ZMIZ1: variants seen among roughly 807,000 people sequenced by gnomAD.
The protein encoded by ZMIZ1 is zinc finger MIZ-type containing 1, also known as zinc finger MIZ domain-containing protein 1.
Under a neutral mutation model 113.9 loss-of-function variants are expected in ZMIZ1, and 17 were observed. The observed-to-expected ratio is 0.15, with a 90% CI of 0.10 to 0.22. ZMIZ1 has a LOEUF of 0.22. Among genes scored for constraint, ZMIZ1 ranks in the 10% least tolerant of loss-of-function variants. The probability of loss-of-function intolerance (pLI) is 1.00; values close to 1 mark genes in which losing one functional copy is unlikely to be tolerated. For missense variants in ZMIZ1, 1,059 were observed against 1,477.8 expected (o/e 0.72, Z 4.65); for synonymous variants, 607 against 603.1 (o/e 1.01, Z -0.09).
chr10:79,197,030 C>A (rs1270231633), intron 4 of ZMIZ1, among the ~76,000 whole-genome samples: 1 of 152,248 alleles, frequency 6.6e-6, no homozygotes. Context: ...TTAGGTTTGT[C>A]AACAGCGCCC....
chr10:79,199,676 C>G (rs1239561466), intron 4 of ZMIZ1, among the ~76,000 whole-genome samples: 2 of 151,256 alleles, frequency 1.3e-5, no homozygotes, highest in East Asian at 1.9e-4. Flanking sequence ...AGATGAGACT[C>G]TCCAGAAGGG....
Position 79,297,523 on chromosome 10 carries a change from GCTC to G in ZMIZ1, c.1414-87_1414-85del, listed in dbSNP as rs1289416661. ...GGATGGGCCCCTGTAGCATCCCCGT[GCTC>G]CTGGTAGATTTTACTGTCCAGAGGG... On this transcript the variant is annotated intron_variant, in intron 13 of 24. Transcript: ENST00000334512. 3.6e-6 allele frequency: 4 copies of G among 1,111,678 alleles called. No individual in the cohort carries two copies. The African/African-American group carries it at 4.6e-5, about 13-fold the overall frequency. The allele number at this position is 1,111,678 out of a possible 1,614,324, so 68.9% of individuals were successfully genotyped here.
chr10:79,198,772 G>A (rs12357175), intron 4 of ZMIZ1, among the ~76,000 whole-genome samples: 4,658 of 152,330 alleles, frequency 0.031, 138 homozygotes, highest in South Asian at 0.15. Flanking sequence ...AGTCGCTCAC[G>A]CCTGTAATCC....
At chr10:79,218,584 G>GGTGTGTGTGTGTGTGT (rs55736085) in intron 7 of ZMIZ1, among the ~76,000 whole-genome samples, 2,114 of 147,708 alleles carry the variant, frequency 0.014, 39 homozygotes, top group African/African-American at 0.044. Context: ...TAATTAGAGG[G>GGTGTGTGTGTGTGTGT]GTGTGTGTGT....
chr10:79,138,148 G>A (rs563691959), intron 2 of ZMIZ1, among the ~76,000 whole-genome samples: 1 of 152,326 alleles, frequency 6.6e-6, no homozygotes, highest in Admixed American at 6.5e-5. Context: ...GCAGCAGTGA[G>A]GCCCCAGTGC....
Position 79,181,997 on chromosome 10 carries a change from C to T in ZMIZ1, c.-49-19587C>T, listed in dbSNP as rs535734395. 3.2e-4 allele frequency among the ~76,000 whole-genome samples: 49 copies of T among 152,340 alleles called. No individual in the cohort carries two copies. The East Asian group carries it at 9.3e-3, about 29-fold the overall frequency. On this transcript the variant is annotated intron_variant, in intron 4 of 24. Transcript: ENST00000334512. ...ACTGGAGGAGGAGGAGGAGCCAGGA[C>T]TCACCCAGTGCCAAGCTGGAGAGAG...
chr10:79,141,146 G>A (rs1194210033), intron 3 of ZMIZ1, among the ~76,000 whole-genome samples: 2 of 152,170 alleles, frequency 1.3e-5, no homozygotes, highest in Non-Finnish European at 2.9e-5. Flanking sequence ...ACGAGGGAGA[G>A]GGGACGTGGC....
intron 1 of ZMIZ1, among the ~76,000 whole-genome samples, chr10:79,078,962 G>A (rs1376359752): frequency 6.6e-6 from 1 of 152,208 alleles, no homozygotes; most frequent in Non-Finnish European, 1.5e-5. Flanking sequence ...CCAGCGGATG[G>A]TTTACCTACT....
In ZMIZ1 at chr10:79,118,597, C is replaced by T. The variant is rs1168043453; in HGVS notation, c.-336-318C>T. On this transcript the variant is annotated intron_variant, in intron 1 of 24. Transcript: ENST00000334512. This position sits in a 1 kb window ranked among gnomAD's most constrained non-coding sequence, Gnocchi z 4.1. ...CGGGGCACCCAGCGTGTGCCAAGGCCGGAGCCAGGGGCTCTGGGAGGCCGG... is the reference window on the plus strand; with the variant it reads ...CGGGGCACCCAGCGTGTGCCAAGGCTGGAGCCAGGGGCTCTGGGAGGCCGG... Among the ~76,000 whole-genome samples the T allele has an allele frequency of 2.6e-5, 4 of 152,174 alleles. No homozygotes were observed. The highest frequency in any genetic ancestry group is 5.9e-5 in the Non-Finnish European group (4 of 68,018).
rs1589405277 is a variant in ZMIZ1 at position 79,194,197 on chromosome 10, G to A, written c.-49-7387G>A. On this transcript the variant is annotated intron_variant, in intron 4 of 24. Coordinates refer to ENST00000334512, the MANE Select transcript of ZMIZ1 (RefSeq NM_020338.4). ...CACCACTGCTCACACAGCTCCCCGG[G>A]GACCCCCACTTGCCTGTGCAAGCTG... Among the ~76,000 whole-genome samples, 3 of 152,242 alleles carry A rather than the reference G, an allele frequency of 2.0e-5. No individual in the cohort carries two copies. The East Asian group carries it at 5.8e-4, about 29-fold the overall frequency.
intron 8 of ZMIZ1, among the ~76,000 whole-genome samples, chr10:79,280,608 T>C (rs1375885470): frequency 6.6e-6 from 1 of 151,530 alleles, no homozygotes; most frequent in African/African-American, 2.4e-5. Flanking sequence ...TGCAGGACTT[T>C]GCAGGGCATT....
intron 1 of ZMIZ1, among the ~76,000 whole-genome samples, chr10:79,076,400 G>A (rs890521893): frequency 6.6e-6 from 1 of 152,168 alleles, no homozygotes; most frequent in Admixed American, 6.5e-5. Flanking sequence ...GGGTGAGGAC[G>A]AAGGATGGGG....
At chr10:79,093,246 C>G (rs1186547266) in intron 1 of ZMIZ1, among the ~76,000 whole-genome samples, 1 of 150,866 alleles carries the variant, frequency 6.6e-6, no homozygotes, top group Non-Finnish European at 1.5e-5. Context: ...ATTTACTGTT[C>G]TGAAGAACCC....
In ZMIZ1 at chr10:79,122,151, G is replaced by A. The variant is rs1009859151; in HGVS notation, c.-227+3127G>A. On this transcript the variant is annotated intron_variant, in intron 2 of 24. Coordinates refer to ENST00000334512, the MANE Select transcript of ZMIZ1 (RefSeq NM_020338.4). Reference sequence around the variant, plus strand: ...ATTTAGCGCCAAGAACTGAGTTCACGTGCAGGCGCCACCAGTTACTTACCA... The same window carrying A: ...ATTTAGCGCCAAGAACTGAGTTCACATGCAGGCGCCACCAGTTACTTACCA... Among the ~76,000 whole-genome samples the A allele has an allele frequency of 3.3e-5, 5 of 152,076 alleles. No homozygotes were observed. The South Asian group carries it at 6.2e-4, about 19-fold the overall frequency.
At chr10:79,193,921 G>A (rs915802189) in intron 4 of ZMIZ1, among the ~76,000 whole-genome samples, 1 of 152,208 alleles carries the variant, frequency 6.6e-6, no homozygotes, top group Non-Finnish European at 1.5e-5. Context: ...CCCAACTGAT[G>A]CTGACATGTG....
chr10:79,169,311 T>C (rs958429141), intron 4 of ZMIZ1, among the ~76,000 whole-genome samples: 3 of 152,234 alleles, frequency 2.0e-5, no homozygotes, highest in Admixed American at 6.5e-5. Context: ...TCGTTGCCTC[T>C]GCCCCCAGCA....
chr10:79,224,927 G>T (rs1033387453), intron 7 of ZMIZ1, among the ~76,000 whole-genome samples: 5 of 152,220 alleles, frequency 3.3e-5, no homozygotes, highest in Non-Finnish European at 7.3e-5. Flanking sequence ...CACGTAACCT[G>T]CTGTGGACAC....
chr10:79,116,553 G>A (rs1387919188), intron 1 of ZMIZ1, among the ~76,000 whole-genome samples: 1 of 152,170 alleles, frequency 6.6e-6, no homozygotes, highest in African/African-American at 2.4e-5. Flanking sequence ...CAGCCTGTGG[G>A]GGTGCACAGA....
At chr10:79,139,571 G>A (rs1055216799) in intron 2 of ZMIZ1, 111 bp from the exon 3 acceptor site, 2 of 397,222 alleles carry the variant, frequency 5.0e-6, no homozygotes, top group African/African-American at 4.1e-5. Flanking sequence ...GTGCTTAAGT[G>A]ACCCAAGAGG....
Sources: gnomAD v4.1 joint callset for allele counts (sites outside exome capture counted in the v4.1 genomes callset) on GRCh38, gnomAD v4.1.1 for gene constraint, Gnocchi (gnomAD v3.1) non-coding constraint, MANE v1.5 for transcripts, NCBI Gene and HGNC (gene_info 2026-07-23, HGNC 2026-07-21) for gene names.